Variants in UBTD2 observed in about 807,000 individuals in gnomAD.
UBTD2 encodes ubiquitin domain-containing protein 2.
UBTD2 carries 9 observed loss-of-function variants against 19.8 expected under a neutral mutation model. That is an observed-to-expected ratio of 0.46 (90% CI 0.27 to 0.79). The LOEUF (loss-of-function observed/expected upper bound fraction) is 0.79. Among genes scored for constraint, UBTD2 ranks in the 30% least tolerant of loss-of-function variants. UBTD2 has a pLI of 0.14. For missense variants in UBTD2, 250 were observed against 300.4 expected (o/e 0.83, Z 1.24); for synonymous variants, 98 against 103.9 (o/e 0.94, Z 0.35).
At chr5:172,226,698 G>C (rs142814899) in intron 2 of UBTD2, among the ~76,000 whole-genome samples, 1 of 152,252 alleles carries the variant, frequency 6.6e-6, no homozygotes, top group East Asian at 1.9e-4. Flanking sequence ...CCAGATATTA[G>C]GTGCAGTTTT....
At chr5:172,263,128 G>C (rs1207304858) in intron 1 of UBTD2, among the ~76,000 whole-genome samples, 1 of 151,890 alleles carries the variant, frequency 6.6e-6, no homozygotes, top group Non-Finnish European at 1.5e-5. Context: ...ACAGGGTTTC[G>C]CCATGTTGCC....
At chr5:172,248,609 A>G (rs1754930466) in intron 1 of UBTD2, among the ~76,000 whole-genome samples, 2 of 151,776 alleles carry the variant, frequency 1.3e-5, no homozygotes, top group South Asian at 4.2e-4. Flanking sequence ...ACAACCCACA[A>G]AAATTAGCCA....
intron 1 of UBTD2, among the ~76,000 whole-genome samples, chr5:172,240,141 C>A (rs1001226119): frequency 1.3e-5 from 2 of 152,210 alleles, no homozygotes. Flanking sequence ...AAAGGAGAAG[C>A]AGCAGCTCCC....
chr5:172,251,159 A>C (rs1161347709), intron 1 of UBTD2, among the ~76,000 whole-genome samples: 1 of 147,656 alleles, frequency 6.8e-6, no homozygotes, highest in Admixed American at 6.8e-5. Context: ...TAAAAATACA[A>C]AAAAAAAAAA....
upstream of UBTD2, chr5:172,283,871 C>A (rs571462451): frequency 1.1e-5 from 2 of 175,494 alleles, no homozygotes; most frequent in Non-Finnish European, 2.3e-5. The surrounding 1 kb of genome is among the most constrained non-coding windows in gnomAD (Gnocchi z 4.3). Context: ...CTACCTCAAC[C>A]CCCGGGCCGC....
At chr5:172,239,261 AC>A (rs1772074958) in intron 1 of UBTD2, among the ~76,000 whole-genome samples, 1 of 152,146 alleles carries the variant, frequency 6.6e-6, no homozygotes, top group African/African-American at 2.4e-5. Flanking sequence ...TAAAATAATC[AC>A]CCCGTACTAG....
chr5:172,264,921 G>A (rs1755344601), intron 1 of UBTD2, among the ~76,000 whole-genome samples: 1 of 152,076 alleles, frequency 6.6e-6, no homozygotes, highest in African/African-American at 2.4e-5. Context: ...AAAATTCAGA[G>A]AATTCTTAAA....
chr5:172,240,426 T>G (rs1263877160), intron 1 of UBTD2, among the ~76,000 whole-genome samples: 1 of 152,202 alleles, frequency 6.6e-6, no homozygotes, highest in South Asian at 2.1e-4. Context: ...GCTTACCAAT[T>G]GAAGCATAAT....
chr5:172,243,985 G>C (rs1772185472), intron 1 of UBTD2, among the ~76,000 whole-genome samples: 3 of 151,862 alleles, frequency 2.0e-5, no homozygotes, highest in Admixed American at 2.0e-4. Context: ...TTGCCTCCTT[G>C]GTTTCAAAAA....
At chr5:172,254,172 T>C (rs944177278) in intron 1 of UBTD2, among the ~76,000 whole-genome samples, 5 of 152,150 alleles carry the variant, frequency 3.3e-5, no homozygotes, top group African/African-American at 1.2e-4. Flanking sequence ...CAATCTCGGC[T>C]CACTACAACC....
intron 1 of UBTD2, among the ~76,000 whole-genome samples, chr5:172,254,131 G>A (rs959041119): frequency 3.2e-4 from 48 of 152,144 alleles, no homozygotes; most frequent in Non-Finnish European, 5.3e-4. Context: ...ACAGAGTCTC[G>A]CTCTGTCGCC....
At chr5:172,218,782 A>T (rs534488726) in intron 2 of UBTD2, among the ~76,000 whole-genome samples, 172 of 67,720 alleles carry the variant, frequency 2.5e-3, no homozygotes, top group Middle Eastern at 6.2e-3. Flanking sequence ...CACCAAAAAA[A>T]AAAAAAATAA....
chr5:172,246,866 C>T (rs1754894343), intron 1 of UBTD2, among the ~76,000 whole-genome samples: 1 of 145,520 alleles, frequency 6.9e-6, no homozygotes, highest in African/African-American at 2.5e-5. Context: ...CAGATTCAAG[C>T]CATTCTCCCG....
chr5:172,255,066 G>T, intron 1 of UBTD2: 1 of 500,094 alleles, frequency 2.0e-6, no homozygotes, highest in Non-Finnish European at 3.9e-6. Flanking sequence ...ATCATCTGCG[G>T]CATGGACAAG....
chr5:172,223,253 T>C (rs1174043267), intron 2 of UBTD2, among the ~76,000 whole-genome samples: 1 of 152,084 alleles, frequency 6.6e-6, no homozygotes, highest in Non-Finnish European at 1.5e-5. Context: ...TTGGGAAAAG[T>C]CAGGGTAAAA....
intron 1 of UBTD2, among the ~76,000 whole-genome samples, chr5:172,244,948 T>C (rs1438404175): frequency 2.0e-5 from 3 of 152,034 alleles, no homozygotes; most frequent in Non-Finnish European, 4.4e-5. Context: ...GGCTGGTCTA[T>C]GAACTCCTGA....
intron 1 of UBTD2, among the ~76,000 whole-genome samples, chr5:172,249,364 ACTCCAG>A (rs1220587181): frequency 7.3e-6 from 1 of 136,816 alleles, no homozygotes; most frequent in African/African-American, 2.7e-5. Flanking sequence ...GCACCACTGC[ACTCCAG>A]CCTAGGTGAC....
intron 1 of UBTD2, among the ~76,000 whole-genome samples, chr5:172,262,347 G>A (rs1381031502): frequency 6.6e-6 from 1 of 150,892 alleles, no homozygotes; most frequent in Non-Finnish European, 1.5e-5. Context: ...CTACTTGGGA[G>A]GTTGAGAGAG....
At chr5:172,249,906 AAT>A (rs1754959343) in intron 1 of UBTD2, among the ~76,000 whole-genome samples, 1 of 152,232 alleles carries the variant, frequency 6.6e-6, no homozygotes, top group Non-Finnish European at 1.5e-5. Flanking sequence ...CAACATAATA[AAT>A]AGTCTTTATT....
Sources: allele counts gnomAD v4.1 joint callset (sites outside exome capture counted in the v4.1 genomes callset), GRCh38; gene constraint gnomAD v4.1.1; non-coding constraint Gnocchi (gnomAD v3.1); transcripts MANE v1.5; gene names NCBI Gene and HGNC (gene_info 2026-07-23, HGNC 2026-07-21).